HCN1: variants seen among roughly 807,000 people sequenced by gnomAD.
The protein encoded by HCN1 is hyperpolarization activated cyclic nucleotide gated potassium channel 1, also known as potassium/sodium hyperpolarization-activated cyclic nucleotide-gated channel 1.
In HCN1, 13 loss-of-function variants were observed where a neutral mutation model predicts 78.9. That is an observed-to-expected ratio of 0.16 (90% CI 0.11 to 0.26). HCN1 has a LOEUF of 0.26. Ranked by LOEUF, HCN1 falls within the 10% of genes least tolerant of loss-of-function variation. The pLI is 1.00. For missense variants in HCN1, 810 were observed against 1,154.3 expected, an observed-to-expected ratio of 0.70 and a Z score of 4.32; for synonymous variants, 552 against 455.5, an observed-to-expected ratio of 1.21 and a Z score of -2.70.
At chr5:45,509,406 A>G (rs1178840920) in intron 2 of HCN1, among the ~76,000 whole-genome samples, 1 of 151,850 alleles carries the variant, frequency 6.6e-6, no homozygotes, top group Non-Finnish European at 1.5e-5. Flanking sequence ...AAATAAAGGG[A>G]AAAAAAAGCA....
intron 1 of HCN1, among the ~76,000 whole-genome samples, chr5:45,670,216 A>T (rs1402510538): frequency 2.6e-5 from 4 of 151,672 alleles, no homozygotes; most frequent in Non-Finnish European, 5.9e-5. Context: ...TTTAGGAACA[A>T]AGTGAAACAA....
At chr5:45,444,711 C>CT (rs1159987219) in intron 3 of HCN1, among the ~76,000 whole-genome samples, 1 of 152,052 alleles carries the variant, frequency 6.6e-6, no homozygotes, top group Non-Finnish European at 1.5e-5. Context: ...CTAGCCACTT[C>CT]TTTTTTGCTT....
chr5:45,670,272 C>T (rs1231318618), intron 1 of HCN1, among the ~76,000 whole-genome samples: 1 of 151,630 alleles, frequency 6.6e-6, no homozygotes, highest in Non-Finnish European at 1.5e-5. Flanking sequence ...CCAAATAACG[C>T]TTTACTGGAG....
chr5:45,487,024 C>T (rs1285282649), intron 2 of HCN1, among the ~76,000 whole-genome samples: 1 of 152,016 alleles, frequency 6.6e-6, no homozygotes, highest in Non-Finnish European at 1.5e-5. Context: ...TCCTGTAAGT[C>T]GTCAGATGTT....
intron 2 of HCN1, among the ~76,000 whole-genome samples, chr5:45,599,180 C>G (rs1380421534): frequency 2.0e-5 from 3 of 152,220 alleles, no homozygotes; most frequent in African/African-American, 7.2e-5. Context: ...CAATGCTAGA[C>G]TGGAGTAAGA....
chr5:45,310,835 A>G (rs1351352647), intron 5 of HCN1, among the ~76,000 whole-genome samples: 6 of 152,194 alleles, frequency 3.9e-5, no homozygotes, highest in Non-Finnish European at 7.4e-5. Context: ...ATGCAGCCAT[A>G]AAAAAGAATG....
intron 4 of HCN1, among the ~76,000 whole-genome samples, chr5:45,375,161 A>C (rs1363190054): frequency 1.7e-5 from 2 of 120,972 alleles, no homozygotes; most frequent in Non-Finnish European, 3.2e-5. Flanking sequence ...TATTATATAT[A>C]ATATATTTTA....
chr5:45,452,040 G>A (rs527675893), intron 3 of HCN1, among the ~76,000 whole-genome samples: 2 of 151,900 alleles, frequency 1.3e-5, no homozygotes, highest in South Asian at 4.1e-4. Flanking sequence ...TCAAGAAAAC[G>A]CTACTGGAGT....
chr5:45,690,287 T>C (rs1478350959), intron 1 of HCN1, among the ~76,000 whole-genome samples: 1 of 152,088 alleles, frequency 6.6e-6, no homozygotes, highest in African/African-American at 2.4e-5. Context: ...CTTCCTTGCT[T>C]TAACTGCGTG....
intron 2 of HCN1, among the ~76,000 whole-genome samples, chr5:45,546,028 T>C (rs1473645553): frequency 6.6e-6 from 1 of 152,152 alleles, no homozygotes; most frequent in Non-Finnish European, 1.5e-5. Flanking sequence ...CTCATTACAA[T>C]GTAAATGATT....
At chr5:45,517,321 T>C (rs1052294994) in intron 2 of HCN1, among the ~76,000 whole-genome samples, 11 of 151,828 alleles carry the variant, frequency 7.2e-5, no homozygotes, top group Admixed American at 3.3e-4. Flanking sequence ...AATAAATTGA[T>C]TCTACTTTTT....
chr5:45,350,368 C>T (rs573343569), intron 5 of HCN1, among the ~76,000 whole-genome samples: 144 of 152,146 alleles, frequency 9.5e-4, no homozygotes, highest in Middle Eastern at 3.4e-3. Context: ...ATTGATGGGG[C>T]GTATCTCAAA....
intron 6 of HCN1, among the ~76,000 whole-genome samples, chr5:45,275,262 G>T (rs112284369): frequency 6.7e-6 from 1 of 148,354 alleles, no homozygotes; most frequent in Non-Finnish European, 1.5e-5. Flanking sequence ...AAAAAAAAAA[G>T]GAAATAAGTG....
intron 2 of HCN1, among the ~76,000 whole-genome samples, chr5:45,515,285 G>A (rs1742495543): frequency 6.6e-6 from 1 of 151,776 alleles, no homozygotes; most frequent in Admixed American, 6.6e-5. Flanking sequence ...ATTATCAGAA[G>A]GTATACTATA....
rs1740674702 is a variant in HCN1 at position 45,441,328 on chromosome 5, G to T, written c.1011+20518C>A. Among the ~76,000 whole-genome samples, 4 of 140,806 alleles carry T rather than the reference G, an allele frequency of 2.8e-5. No homozygotes were observed. The South Asian group carries it at 8.9e-4, about 31-fold the overall frequency. 92.4% of individuals were successfully genotyped at this position (140,806 alleles called of 152,430 possible). A position where few individuals can be genotyped will look rare whatever the true frequency, so the allele number is the denominator to read the frequency against. On this transcript the variant is annotated intron_variant, in intron 3 of 7. Coordinates refer to ENST00000303230, the MANE Select transcript of HCN1 (RefSeq NM_021072.4). ...AAAGCATATAAGAATAGCTACTCGA[G>T]ACAGAAAACATGAAAGGAAGAAATG...
At chr5:45,549,808 G>T (rs143421079) in intron 2 of HCN1, among the ~76,000 whole-genome samples, 9,855 of 151,596 alleles carry the variant, frequency 0.065, 393 homozygotes, top group East Asian at 0.15. Flanking sequence ...CAAGAAAAAA[G>T]CAAACAACCC....
intron 3 of HCN1, among the ~76,000 whole-genome samples, chr5:45,449,067 C>T (rs998098169): frequency 2.0e-5 from 3 of 152,174 alleles, no homozygotes; most frequent in African/African-American, 7.2e-5. Flanking sequence ...AAGATCACAC[C>T]ACTGCACTCC....
chr5:45,647,114 A>T lies in HCN1; in HGVS notation c.426-1506T>A, dbSNP rs535803759. Among the ~76,000 whole-genome samples the T allele has an allele frequency of 2.6e-5, 4 of 152,290 alleles. No homozygotes were observed. In the South Asian group the frequency reaches 8.3e-4, roughly 32 times the overall value. ...TATCTCCCCTGTCTCCAGCCTCAGG[A>T]TGTTGTAAAGGATAAGCGTTTGTTA... On this transcript the variant is annotated intron_variant, in intron 1 of 7. Transcript: ENST00000303230.
At chr5:45,304,102 C>A (rs909223101) in intron 5 of HCN1, among the ~76,000 whole-genome samples, 2 of 152,060 alleles carry the variant, frequency 1.3e-5, no homozygotes, top group Non-Finnish European at 2.9e-5. Flanking sequence ...ATGAAAGTCT[C>A]AACTTTTTTA....
Sources: gnomAD v4.1 joint callset for allele counts (sites outside exome capture counted in the v4.1 genomes callset) on GRCh38, gnomAD v4.1.1 for gene constraint, MANE v1.5 for transcripts, NCBI Gene and HGNC (gene_info 2026-07-23, HGNC 2026-07-21) for gene names.